The following FOXP1 variants were observed in gnomAD, a reference collection of about 807,000 sequenced individuals.
FOXP1 encodes forkhead box protein P1.
FOXP1 carries 15 observed loss-of-function variants against 98.2 expected under a neutral mutation model. The ratio of observed to expected loss-of-function variants is 0.15; its 90% CI spans 0.10 to 0.24. The LOEUF is 0.24. Among genes scored for constraint, FOXP1 ranks in the 10% least tolerant of loss-of-function variants. FOXP1 has a pLI of 1.00. For synonymous variants in FOXP1, 371 were observed against 314.5 expected (o/e 1.18, Z -1.90); for missense variants, 633 against 848.5 (o/e 0.75, Z 3.15).
chr3:71,015,121 A>T (rs1220869548), intron 12 of FOXP1, among the ~76,000 whole-genome samples: 1 of 152,008 alleles, frequency 6.6e-6, no homozygotes, highest in Non-Finnish European at 1.5e-5. Context: ...CACGTACCCT[A>T]GAACTTAAAG....
chr3:71,333,501 T>C (rs1466631554), intron 4 of FOXP1: 3 of 152,110 alleles, frequency 2.0e-5, no homozygotes, highest in African/African-American at 7.2e-5. Flanking sequence ...TAAAAGACAT[T>C]AAGAATAAGA....
intron 2 of FOXP1, among the ~76,000 whole-genome samples, chr3:71,552,423 A>C (rs1376720398): frequency 6.6e-6 from 1 of 152,054 alleles, no homozygotes; most frequent in Non-Finnish European, 1.5e-5. Context: ...ATGAGAAATA[A>C]AAAGGAATAC....
intron 12 of FOXP1, 39 bp from the exon 13 acceptor site, chr3:71,001,098 A>C: frequency 6.7e-7 from 1 of 1,485,612 alleles, no homozygotes; most frequent in Non-Finnish European, 9.4e-7. Flanking sequence ...TGAAATGGAG[A>C]AACAAAAAGG....
chr3:71,437,821 C>G (rs995621154), intron 3 of FOXP1, among the ~76,000 whole-genome samples: 4 of 152,134 alleles, frequency 2.6e-5, no homozygotes, highest in African/African-American at 9.7e-5. Flanking sequence ...AAAAAATGAT[C>G]AGGTGAAAAA....
At chr3:71,001,270 C>T (rs543797486) in intron 12 of FOXP1, among the ~76,000 whole-genome samples, 1 of 152,204 alleles carries the variant, frequency 6.6e-6, no homozygotes, top group African/African-American at 2.4e-5. Context: ...AAAAGCCTTC[C>T]AGGGAGAAGT....
At chr3:71,560,058 A>C (rs2046421769) in intron 2 of FOXP1, among the ~76,000 whole-genome samples, 2 of 152,166 alleles carry the variant, frequency 1.3e-5, no homozygotes, top group Admixed American at 1.3e-4. Context: ...CAAGAGATGG[A>C]AAGAGGCAGC....
intron 4 of FOXP1, among the ~76,000 whole-genome samples, chr3:71,347,782 G>A (rs1283704138): frequency 1.3e-5 from 2 of 151,968 alleles, no homozygotes; most frequent in Non-Finnish European, 2.9e-5. Context: ...CTACTCGGAG[G>A]GCTGAGGCAA....
chr3:71,461,327 C>T (rs115958086), intron 3 of FOXP1, among the ~76,000 whole-genome samples: 1,604 of 152,244 alleles, frequency 0.011, 14 homozygotes, highest in Middle Eastern at 0.02. Context: ...ACTAACATCA[C>T]GTCTAAAAAC....
chr3:71,351,692 G>A (rs111741679), intron 4 of FOXP1, among the ~76,000 whole-genome samples: 51 of 152,328 alleles, frequency 3.3e-4, no homozygotes, highest in African/African-American at 1.2e-3. Flanking sequence ...CTTGCTTGCT[G>A]GGAAAATGCC....
chr3:71,383,311 G>T (rs1390700018), intron 3 of FOXP1, among the ~76,000 whole-genome samples: 1 of 152,186 alleles, frequency 6.6e-6, no homozygotes, highest in Non-Finnish European at 1.5e-5. Context: ...CTCGATTAAA[G>T]AATGACATAT....
At chr3:71,113,763 G>GTAAAATAAAATAAAA (rs2058137986) in intron 6 of FOXP1, among the ~76,000 whole-genome samples, 1 of 18,718 alleles carries the variant, frequency 5.3e-5, no homozygotes, top group African/African-American at 1.3e-4. Flanking sequence ...AAAATAAAAG[G>GTAAAATAAAATAAAA]TCAAGTAAAA....
At chr3:71,334,546 G>A (rs965780742) in intron 4 of FOXP1, 1 of 152,104 alleles carries the variant, frequency 6.6e-6, no homozygotes, top group African/African-American at 2.4e-5. Flanking sequence ...AAGGACCCTG[G>A]ACACTGAAGC....
chr3:71,077,153 A>G (rs1306215694), intron 7 of FOXP1, among the ~76,000 whole-genome samples: 1 of 152,232 alleles, frequency 6.6e-6, no homozygotes, highest in Admixed American at 6.5e-5. Flanking sequence ...CTAAAACACC[A>G]AGGACTTGTA....
Position 71,468,626 on chromosome 3 carries a change from A to C in FOXP1, c.-168+24800T>G, listed in dbSNP as rs1411505519. Among the ~76,000 whole-genome samples the C allele has an allele frequency of 9.9e-5, 15 of 152,272 alleles. No homozygotes were observed. The East Asian group carries it at 2.9e-3, about 29-fold the overall frequency. ...TAGTTTCCATTCCTTTAACCGTTCT[A>C]AAAAGATCCCATTCACCACCCTTTC... On this transcript the variant is annotated intron_variant, in intron 3 of 20. Transcript: ENST00000649528.
At chr3:71,130,444 T>C in intron 6 of FOXP1, 1 of 1,551,592 alleles carries the variant, frequency 6.4e-7, no homozygotes. Flanking sequence ...AACGGATCCC[T>C]AGTTTAAAAG....
chr3:71,535,586 G>A (rs1432994803), intron 2 of FOXP1, among the ~76,000 whole-genome samples: 1 of 152,156 alleles, frequency 6.6e-6, no homozygotes, highest in Non-Finnish European at 1.5e-5. Context: ...TGTTAGCTTG[G>A]ACGTGGTGGC....
intron 2 of FOXP1, among the ~76,000 whole-genome samples, chr3:71,540,006 A>G (rs1185785081): frequency 6.6e-6 from 1 of 152,250 alleles, no homozygotes; most frequent in African/African-American, 2.4e-5. Flanking sequence ...AAAGTTTATC[A>G]GTAGCAGAAA....
Position 71,014,899 on chromosome 3 carries a change from C to T in FOXP1, c.974+650G>A, listed in dbSNP as rs141003364. On this transcript the variant is annotated intron_variant, in intron 12 of 20. Transcript: ENST00000649528. ...AGCAAACTATCGCAAGGACAGAAAA[C>T]CAAACACCGCATGTTCTCACACATA... 4.1e-3 allele frequency among the ~76,000 whole-genome samples: 619 copies of T among 152,046 alleles called. 5 individuals are homozygous for T. The highest frequency in any genetic ancestry group is 0.014 in the African/African-American group (574 of 41,450).
intron 6 of FOXP1, among the ~76,000 whole-genome samples, chr3:71,136,720 C>T (rs1353640466): frequency 2.6e-5 from 4 of 151,944 alleles, no homozygotes; most frequent in Non-Finnish European, 4.4e-5. Flanking sequence ...ATTATGAGAG[C>T]AGGTTTAGAA....
Sources: allele counts gnomAD v4.1 joint callset (sites outside exome capture counted in the v4.1 genomes callset), GRCh38; gene constraint gnomAD v4.1.1; transcripts MANE v1.5; gene names NCBI Gene and HGNC (gene_info 2026-07-23, HGNC 2026-07-21).